The following TCFL5 variants were observed in gnomAD, a reference collection of about 807,000 sequenced individuals.
TCFL5 encodes transcription factor like 5.
TCFL5 carries 9 observed loss-of-function variants against 44.3 expected under a neutral mutation model. The ratio of observed to expected loss-of-function variants is 0.20; its 90% CI spans 0.12 to 0.35. TCFL5 has a LOEUF of 0.35. Ranked by LOEUF, TCFL5 falls within the 10% of genes least tolerant of loss-of-function variation. The probability of loss-of-function intolerance (pLI) is 1.00; values close to 1 mark genes in which losing one functional copy is unlikely to be tolerated. For synonymous variants in TCFL5, 319 were observed against 271.6 expected (o/e 1.17, Z -1.72); for missense variants, 603 against 613.4 (o/e 0.98, Z 0.18).
At chr20:62,843,756 C>T (rs1433636650) in intron 5 of TCFL5, among the ~76,000 whole-genome samples, 3 of 152,162 alleles carry the variant, frequency 2.0e-5, no homozygotes, top group African/African-American at 4.8e-5. Flanking sequence ...CACACCGCTC[C>T]GGCCCCCAGC....
In TCFL5 at chr20:62,841,664, T is replaced by TA. The variant is rs142625111; in HGVS notation, c.*310dup. On this transcript the variant is annotated 3_prime_UTR_variant, in exon 6 of 6. Transcript: ENST00000335351. Reference sequence around the variant, plus strand: ...TACAAAGGATGTCAATTTTTTAAGTTATCATGTTAAGAAAACATGATGGAA... The same window carrying TA: ...TACAAAGGATGTCAATTTTTTAAGTTAATCATGTTAAGAAAACATGATGGAA... 1,837 of 193,362 alleles carry TA rather than the reference T, an allele frequency of 9.5e-3. 12 individuals are homozygous for TA. Among genetic ancestry groups the TA allele is most frequent in the Non-Finnish European group, 0.015 (1,403 of 95,534 alleles). The allele number at this position is 193,362 out of a possible 1,614,324, so 12.0% of individuals were successfully genotyped here.
intron 5 of TCFL5, chr20:62,844,865 G>A: frequency 1.0e-6 from 1 of 984,980 alleles, no homozygotes; most frequent in African/African-American, 1.7e-5. Context: ...CAGAGTGCTG[G>A]GATTACAGGC....
chr20:62,853,902 T>C (rs900706584), intron 5 of TCFL5, 114 bp downstream of exon 5: 1 of 1,154,112 alleles, frequency 8.7e-7, no homozygotes, highest in Non-Finnish European at 1.2e-6. Flanking sequence ...GACTTAGTAT[T>C]TGATGTTAGA....
intron 3 of TCFL5, among the ~76,000 whole-genome samples, chr20:62,858,579 A>C (rs2063932324): frequency 6.6e-6 from 1 of 152,174 alleles, no homozygotes; most frequent in Admixed American, 6.5e-5. Context: ...AAGTGTAAGG[A>C]GTGTTCTTTT....
intron 3 of TCFL5, among the ~76,000 whole-genome samples, chr20:62,858,844 C>T (rs55882400): frequency 0.08 from 7,232 of 90,518 alleles, 1,753 homozygotes; most frequent in Middle Eastern, 0.14. Flanking sequence ...GAAGGGGCTA[C>T]GCAGGTGTTT....
chr20:62,846,179 AGAAG>A (rs1176415277), intron 5 of TCFL5: 21 of 1,098,866 alleles, frequency 1.9e-5, no homozygotes, highest in East Asian at 5.9e-5. Flanking sequence ...TTAAAAAAAA[AGAAG>A]GAAGGAAGAA....
At chr20:62,853,340 TTTC>T (rs1189624269) in intron 5 of TCFL5, among the ~76,000 whole-genome samples, 2 of 151,784 alleles carry the variant, frequency 1.3e-5, no homozygotes, top group Non-Finnish European at 2.9e-5. Context: ...TTTGTTTCTC[TTTC>T]TTTTTTGGGG....
chr20:62,849,977 A>G (rs962356922), intron 5 of TCFL5, among the ~76,000 whole-genome samples: 8 of 152,050 alleles, frequency 5.3e-5, no homozygotes, highest in African/African-American at 1.9e-4. Context: ...AAACAAAATA[A>G]ACATTAAAAT....
In TCFL5 at chr20:62,842,280, CTTT is replaced by C. The variant is rs10708211; in HGVS notation, c.1381-186_1381-184del. Among the ~76,000 whole-genome samples, 3 of 149,642 alleles carry C rather than the reference CTTT, an allele frequency of 2.0e-5. No individual in the cohort carries two copies. The highest frequency in any genetic ancestry group is 7.4e-5 in the African/African-American group (3 of 40,772). Reference sequence around the variant, plus strand: ...GATTTATATAATAAACAGATTTTAACTTTTTTTTTTTCAAATAGCAGTTACACT... The same window carrying C: ...GATTTATATAATAAACAGATTTTAACTTTTTTTTCAAATAGCAGTTACACT... On this transcript the variant is annotated intron_variant, in intron 5 of 5. Transcript: ENST00000335351. The surrounding 1 kb of genome is among the most constrained non-coding windows in gnomAD (Gnocchi z 4.3).
In TCFL5 at chr20:62,841,318, T is replaced by G. The variant is rs2063678238; in HGVS notation, c.*657A>C. ...AAACCCAATTCCAAACACCACAGTTTGTGACACATGAAGTAATGAATGACT... is the reference window on the plus strand; with the variant it reads ...AAACCCAATTCCAAACACCACAGTTGGTGACACATGAAGTAATGAATGACT... On this transcript the variant is annotated 3_prime_UTR_variant, in exon 6 of 6. Coordinates refer to ENST00000335351, the MANE Select transcript of TCFL5 (RefSeq NM_006602.4). The G allele has an allele frequency of 6.5e-6, 1 of 154,422 alleles. No homozygotes were observed. 9.6% of individuals were successfully genotyped at this position (154,422 alleles called of 1,614,324 possible).
chr20:62,854,280 G>C lies in TCFL5; in HGVS notation c.1239-123C>G, dbSNP rs980051644. The C allele has an allele frequency of 4.0e-6, 5 of 1,265,154 alleles. No homozygotes were observed. The Admixed American group carries it at 1.3e-4, about 33-fold the overall frequency. The allele number at this position is 1,265,154 out of a possible 1,614,324, so 78.4% of individuals were successfully genotyped here. A position where few individuals can be genotyped will look rare whatever the true frequency, so the allele number is the denominator to read the frequency against. ...GTGCATCCTGGCCACTGAGTGCCAC[G>C]GAAGCGCCTGTCACCACAGGAAGCC... On this transcript the variant is annotated intron_variant, in intron 4 of 5. Transcript: ENST00000335351.
At chr20:62,843,066 C>T (rs2063697794) in intron 5 of TCFL5, among the ~76,000 whole-genome samples, 1 of 152,202 alleles carries the variant, frequency 6.6e-6, no homozygotes, top group African/African-American at 2.4e-5. Flanking sequence ...GGCGACGGCC[C>T]GATGACAGGC....
intron 5 of TCFL5, among the ~76,000 whole-genome samples, chr20:62,843,045 A>G (rs1346248791): frequency 6.6e-6 from 1 of 152,216 alleles, no homozygotes; most frequent in African/African-American, 2.4e-5. Flanking sequence ...TGAGAGGAAG[A>G]GAGGGGCACA....
chr20:62,855,354 G>C (rs572621697), intron 4 of TCFL5, among the ~76,000 whole-genome samples: 45 of 152,254 alleles, frequency 3.0e-4, no homozygotes, highest in African/African-American at 1.1e-3. Context: ...TTAGAGACGG[G>C]GACTTGCTAT....
Position 62,861,445 on chromosome 20 carries a change from G to A in TCFL5, c.226C>T (p.Arg76Cys). The A allele has an allele frequency of 1.7e-6, 2 of 1,169,918 alleles. No homozygotes were observed. The highest frequency in any genetic ancestry group is 2.1e-6 in the Non-Finnish European group (2 of 937,830). The allele number at this position is 1,169,918 out of a possible 1,614,324, so 72.5% of individuals were successfully genotyped here. A position where few individuals can be genotyped will look rare whatever the true frequency, so the allele number is the denominator to read the frequency against. Residue 76 changes from arginine to cysteine, a missense_variant, in exon 1 of 6, where the codon CGC (arginine) becomes TGC (cysteine). Coordinates refer to ENST00000335351, the MANE Select transcript of TCFL5 (RefSeq NM_006602.4). The surrounding 1 kb of genome is among the most constrained non-coding windows in gnomAD (Gnocchi z 4.0). ...GCCGCCAGCAGCGCCGAGTTGAGGCGCGTCTCGAGCTCGCCGTCAGCCGCC... is the reference window on the plus strand; with the variant it reads ...GCCGCCAGCAGCGCCGAGTTGAGGCACGTCTCGAGCTCGCCGTCAGCCGCC... Reference protein sequence around the residue: ...EAAADGELETRLNSALLAAAG... With the variant: ...EAAADGELETCLNSALLAAAG...
rs201389951 is a variant in TCFL5, at chr20:62,860,126, T to G, written c.830A>C (p.Gln277Pro). ...TSGNSNLSQT[Q>P]SSSNSCSVLE... ...AGCTTCACAAATCATGTTCCCTACCTGTGTCTGTGAAAGATTAGAATTTCC... is the reference window on the plus strand; with the variant it reads ...AGCTTCACAAATCATGTTCCCTACCGGTGTCTGTGAAAGATTAGAATTTCC... The change falls in exon 2 of 6, where the codon CAG (glutamine) becomes CCG (proline). Residue 277 changes from glutamine (Q) to proline (P), a missense_variant and splice_region_variant. Coordinates refer to ENST00000335351, the MANE Select transcript of TCFL5 (RefSeq NM_006602.4). 1.9e-6 allele frequency: 3 copies of G among 1,604,802 alleles called. No homozygotes were observed. Among genetic ancestry groups the G allele is most frequent in the Non-Finnish European group, 2.6e-6 (3 of 1,172,330 alleles).
chr20:62,845,426 T>C (rs2147246689), intron 5 of TCFL5: 1 of 1,256,208 alleles, frequency 8.0e-7, no homozygotes, highest in Non-Finnish European at 1.0e-6. Flanking sequence ...CCCAGCTTCT[T>C]CCCAAATTTT....
At position 62,842,660 on chromosome 20, in the gene TCFL5, G is replaced by A. The variant is rs2063692766; in HGVS notation, c.1381-563C>T. 6.6e-6 allele frequency among the ~76,000 whole-genome samples: 1 copy of A among 152,218 alleles called. No individual in the cohort carries two copies. Among genetic ancestry groups the A allele is most frequent in the Non-Finnish European group, 1.5e-5 (1 of 68,036 alleles). ...ATCTTGTGACCCCAGCTACTTGGGA[G>A]GCTGAGGCAGGACAATCTCTTGAGC... On this transcript the variant is annotated intron_variant, in intron 5 of 5. Coordinates refer to ENST00000335351, the MANE Select transcript of TCFL5 (RefSeq NM_006602.4). This position sits in a 1 kb window ranked among gnomAD's most constrained non-coding sequence, Gnocchi z 4.3.
At chr20:62,857,298 G>T in intron 4 of TCFL5, 97 bp downstream of exon 4, 1 of 1,507,040 alleles carries the variant, frequency 6.6e-7, no homozygotes, top group Non-Finnish European at 9.0e-7. Flanking sequence ...TATTCCCTCT[G>T]AACGCAGAAA....
Sources: allele counts gnomAD v4.1 joint callset (sites outside exome capture counted in the v4.1 genomes callset), GRCh38; gene constraint gnomAD v4.1.1; non-coding constraint Gnocchi (gnomAD v3.1); transcripts MANE v1.5; gene names NCBI Gene and HGNC (gene_info 2026-07-23, HGNC 2026-07-21).